The following NAALADL2 variants were observed in gnomAD, a reference collection of about 807,000 sequenced individuals.
NAALADL2 encodes N-acetylated alpha-linked acidic dipeptidase like 2, also known as inactive N-acetylated-alpha-linked acidic dipeptidase-like protein 2.
In NAALADL2, 76 loss-of-function variants were observed where a neutral mutation model predicts 87.2. The observed-to-expected ratio is 0.87, with a 90% CI of 0.72 to 1.05. The LOEUF (loss-of-function observed/expected upper bound fraction) is 1.05. Ranked by LOEUF, NAALADL2 falls within the 50% of genes least tolerant of loss-of-function variation. NAALADL2 has a pLI of 0.00. For synonymous variants in NAALADL2, 354 were observed against 331.0 expected, an observed-to-expected ratio of 1.07 and a Z score of -0.75; for missense variants, 1,089 against 945.8, an observed-to-expected ratio of 1.15 and a Z score of -1.99.
At chr3:174,699,151 C>T (rs1729315039) in intron 2 of NAALADL2, among the ~76,000 whole-genome samples, 1 of 152,068 alleles carries the variant, frequency 6.6e-6, no homozygotes, top group Non-Finnish European at 1.5e-5. Flanking sequence ...TCCTTTGTAA[C>T]ATTATGAGTA....
At chr3:174,628,131 A>C (rs1721750301) in intron 2 of NAALADL2, among the ~76,000 whole-genome samples, 1 of 152,202 alleles carries the variant, frequency 6.6e-6, no homozygotes, top group Non-Finnish European at 1.5e-5. Context: ...AGAAAGCTTA[A>C]TTCCTCAAGT....
chr3:175,262,661 G>A (rs1314732711), intron 4 of NAALADL2, among the ~76,000 whole-genome samples: 2 of 151,262 alleles, frequency 1.3e-5, no homozygotes, highest in Non-Finnish European at 3.0e-5. Context: ...AGGCAGTGGG[G>A]CCAAAAAGAT....
chr3:175,736,351 T>C (rs1191221229), intron 11 of NAALADL2, among the ~76,000 whole-genome samples: 1 of 152,212 alleles, frequency 6.6e-6, no homozygotes, highest in Non-Finnish European at 1.5e-5. Flanking sequence ...GTTTTGATTC[T>C]AGAAAATTAT....
intron 3 of NAALADL2, among the ~76,000 whole-genome samples, chr3:174,785,994 G>A (rs1213094766): frequency 6.6e-6 from 1 of 152,024 alleles, no homozygotes; most frequent in South Asian, 2.1e-4. Flanking sequence ...TTGTGTAAAG[G>A]CACAGGAATT....
At chr3:175,346,050 A>G (rs550266214) in intron 5 of NAALADL2, among the ~76,000 whole-genome samples, 5 of 152,306 alleles carry the variant, frequency 3.3e-5, no homozygotes, top group Non-Finnish European at 5.9e-5. Flanking sequence ...ATCAGCTGCA[A>G]TAATGTTAAA....
intron 2 of NAALADL2, among the ~76,000 whole-genome samples, chr3:175,131,739 C>T (rs1182133838): frequency 2.6e-5 from 4 of 151,566 alleles, no homozygotes; most frequent in South Asian, 2.1e-4. Flanking sequence ...GCGCCCCTCA[C>T]CCCCCGGACA....
intron 1 of NAALADL2, among the ~76,000 whole-genome samples, chr3:174,860,657 A>G (rs1380760523): frequency 1.3e-5 from 2 of 152,116 alleles, no homozygotes; most frequent in South Asian, 2.1e-4. Context: ...TAAATAGCCT[A>G]TTCTAGGCTG....
At chr3:174,620,476 G>A (rs549684598) in intron 2 of NAALADL2, among the ~76,000 whole-genome samples, 6 of 151,826 alleles carry the variant, frequency 4.0e-5, no homozygotes, top group African/African-American at 1.4e-4. Context: ...AGTTAATAGG[G>A]CATTAATACT....
chr3:175,196,801 CATTT>C (rs1484983736), intron 2 of NAALADL2, among the ~76,000 whole-genome samples: 1 of 151,840 alleles, frequency 6.6e-6, no homozygotes, highest in African/African-American at 2.4e-5. Flanking sequence ...ACACTGGATT[CATTT>C]GTCTTGAAAT....
At chr3:175,687,722 GA>G (rs754180692) in intron 11 of NAALADL2, among the ~76,000 whole-genome samples, 1 of 152,132 alleles carries the variant, frequency 6.6e-6, no homozygotes, top group African/African-American at 2.4e-5. Flanking sequence ...GAGGTGTTTA[GA>G]TTGTGGGAGT....
intron 2 of NAALADL2, among the ~76,000 whole-genome samples, chr3:175,113,952 G>T (rs556752016): frequency 2.6e-5 from 4 of 151,744 alleles, no homozygotes; most frequent in African/African-American, 7.2e-5. Context: ...TCTGCTCACA[G>T]GATGTGCAAA....
chr3:175,788,371 G>A (rs1222770078), intron 13 of NAALADL2, among the ~76,000 whole-genome samples: 1 of 152,028 alleles, frequency 6.6e-6, no homozygotes, highest in African/African-American at 2.4e-5. Context: ...GATTATAGGG[G>A]TGAGCCACTG....
At chr3:174,693,262 G>A (rs1001854811) in intron 2 of NAALADL2, among the ~76,000 whole-genome samples, 4 of 152,116 alleles carry the variant, frequency 2.6e-5, no homozygotes, top group African/African-American at 7.2e-5. Flanking sequence ...TTTATGACAT[G>A]GAGAGTTTAC....
intron 5 of NAALADL2, among the ~76,000 whole-genome samples, chr3:175,361,335 A>G (rs1449064328): frequency 6.7e-6 from 1 of 148,250 alleles, no homozygotes; most frequent in Non-Finnish European, 1.5e-5. Context: ...ATACATGTGC[A>G]TGTGTCTTTA....
chr3:174,601,474 A>G (rs1366856362), intron 2 of NAALADL2, among the ~76,000 whole-genome samples: 1 of 152,060 alleles, frequency 6.6e-6, no homozygotes, highest in Non-Finnish European at 1.5e-5. Context: ...TCTTTTGCCC[A>G]TTTTAAAATC....
chr3:175,410,284 A>AT (rs143353683), intron 5 of NAALADL2, among the ~76,000 whole-genome samples: 2,721 of 152,278 alleles, frequency 0.018, 87 homozygotes, highest in African/African-American at 0.062. Context: ...TTTTGAAACT[A>AT]TGTACATACA....
intron 13 of NAALADL2, among the ~76,000 whole-genome samples, chr3:175,795,866 G>T (rs1056550831): frequency 3.0e-4 from 45 of 151,706 alleles, no homozygotes; most frequent in African/African-American, 1.1e-3. Flanking sequence ...GCTTTACTTA[G>T]CTGGGTGGTT....
At chr3:175,486,000 T>G (rs973909450) in intron 9 of NAALADL2, among the ~76,000 whole-genome samples, 1 of 152,164 alleles carries the variant, frequency 6.6e-6, no homozygotes, top group Non-Finnish European at 1.5e-5. Context: ...GTTGGCACCC[T>G]GATTTCAGAG....
chr3:174,970,868 A>G (rs1184495342), intron 1 of NAALADL2, among the ~76,000 whole-genome samples: 1 of 152,222 alleles, frequency 6.6e-6, no homozygotes, highest in Non-Finnish European at 1.5e-5. Flanking sequence ...ATTTGAAATT[A>G]TACATATCAG....
Sources: allele counts gnomAD v4.1 joint callset (sites outside exome capture counted in the v4.1 genomes callset), GRCh38; gene constraint gnomAD v4.1.1; transcripts MANE v1.5; gene names NCBI Gene and HGNC (gene_info 2026-07-23, HGNC 2026-07-21).